BCAS3: variants seen among roughly 807,000 people sequenced by gnomAD.
BCAS3 encodes BCAS4/BCAS3 fusion.
BCAS3 carries 53 observed loss-of-function variants against 116.1 expected under a neutral mutation model. The observed-to-expected ratio is 0.46, with a 90% confidence interval of 0.37 to 0.57. The LOEUF is 0.57. Ranked by LOEUF, BCAS3 falls within the 20% of genes least tolerant of loss-of-function variation. The pLI, the probability that BCAS3 is intolerant of heterozygous loss-of-function variation, is 0.00. For synonymous variants in BCAS3, 391 were observed against 408.2 expected, an observed-to-expected ratio of 0.96 and a Z score of 0.51; for missense variants, 917 against 1,165.4, an observed-to-expected ratio of 0.79 and a Z score of 3.10.
chr17:61,254,280 C>G (rs571697059), intron 22 of BCAS3, among the ~76,000 whole-genome samples: 2 of 152,268 alleles, frequency 1.3e-5, no homozygotes, highest in African/African-American at 2.4e-5. Flanking sequence ...ACACTTCTGC[C>G]GTAAAGAGGG....
At chr17:60,860,186 C>T (rs187865463) in intron 7 of BCAS3, among the ~76,000 whole-genome samples, 26 of 152,274 alleles carry the variant, frequency 1.7e-4, no homozygotes, top group South Asian at 6.2e-4. Context: ...TTAGTAATAG[C>T]CATTCTGACT....
intron 14 of BCAS3, among the ~76,000 whole-genome samples, chr17:60,976,063 C>G (rs1425684064): frequency 9.3e-6 from 1 of 107,346 alleles, no homozygotes; most frequent in Non-Finnish European, 1.7e-5. Context: ...GAGTCTTGCT[C>G]TGTCGCCCAG....
At chr17:60,803,892 C>T (rs1241442760) in intron 6 of BCAS3, among the ~76,000 whole-genome samples, 1 of 141,550 alleles carries the variant, frequency 7.1e-6, no homozygotes, top group East Asian at 2.2e-4. Flanking sequence ...ACCTCTGCTT[C>T]CCGGGTTTGA....
intron 22 of BCAS3, among the ~76,000 whole-genome samples, chr17:61,328,649 C>T (rs1337968338): frequency 6.6e-6 from 1 of 152,130 alleles, no homozygotes; most frequent in Non-Finnish European, 1.5e-5. Flanking sequence ...CCTGTAGTCC[C>T]AGCTACTCAG....
intron 13 of BCAS3, among the ~76,000 whole-genome samples, chr17:60,945,530 G>A (rs934880469): frequency 4.6e-5 from 7 of 152,218 alleles, no homozygotes; most frequent in African/African-American, 1.2e-4. Context: ...GCCTGGCATG[G>A]TAGTTCACGC....
At chr17:60,996,935 A>G (rs1305861648) in intron 15 of BCAS3, among the ~76,000 whole-genome samples, 4 of 152,210 alleles carry the variant, frequency 2.6e-5, no homozygotes, top group Non-Finnish European at 5.9e-5. Context: ...GACTATTAAA[A>G]TTAGTAATGT....
intron 22 of BCAS3, among the ~76,000 whole-genome samples, chr17:61,090,180 G>A (rs1226784009): frequency 6.6e-6 from 1 of 152,184 alleles, no homozygotes; most frequent in South Asian, 2.1e-4. Flanking sequence ...TGTGGAAGGG[G>A]TGTGTTCAAA....
chr17:60,701,294 C>T (rs138060107), intron 4 of BCAS3, among the ~76,000 whole-genome samples: 123 of 151,820 alleles, frequency 8.1e-4, no homozygotes, highest in African/African-American at 2.8e-3. Flanking sequence ...GAAATCAAGT[C>T]GAGGAAGAGG....
In BCAS3 at chr17:60,814,269, TTGTGTG is replaced by T. The variant is rs67077498; in HGVS notation, c.476+6226_476+6231del. Among the ~76,000 whole-genome samples the T allele has an allele frequency of 1.3e-3, 171 of 134,910 alleles. 1 individual carries two copies. The South Asian group carries it at 0.014, about 11-fold the overall frequency. The allele number at this position is 134,910 out of a possible 152,430, so 88.5% of individuals were successfully genotyped here. ...TTCATTAGATGTATTTCTTGGTATT[TTGTGTG>T]TGTGTGTGTGTGTGTGTGTGTGTGT... is the stretch of plus-strand genomic sequence containing the variant. On this transcript the variant is annotated intron_variant, in intron 7 of 23. Coordinates refer to ENST00000407086, the MANE Select transcript of BCAS3 (RefSeq NM_017679.5).
intron 13 of BCAS3, among the ~76,000 whole-genome samples, chr17:60,942,084 A>G (rs1304509469): frequency 6.6e-6 from 1 of 152,184 alleles, no homozygotes; most frequent in Admixed American, 6.5e-5. Flanking sequence ...GAGTGGCAAA[A>G]CACTGTCTAC....
chr17:61,305,275 C>T (rs1249063936), intron 22 of BCAS3, among the ~76,000 whole-genome samples: 1 of 152,116 alleles, frequency 6.6e-6, no homozygotes, highest in Non-Finnish European at 1.5e-5. Context: ...GTTGGGTTAA[C>T]AGTTTCCTTT....
intron 9 of BCAS3, among the ~76,000 whole-genome samples, chr17:60,876,157 A>C (rs1445621915): frequency 6.6e-6 from 1 of 152,026 alleles, no homozygotes; most frequent in East Asian, 1.9e-4. Flanking sequence ...ACAGATATAT[A>C]GTTATCTTGT....
chr17:61,111,316 G>A (rs920429119), intron 22 of BCAS3, among the ~76,000 whole-genome samples: 5 of 151,662 alleles, frequency 3.3e-5, no homozygotes, highest in Admixed American at 6.6e-5. Context: ...CAAACCACAG[G>A]CAAAGAAGTT....
chr17:60,830,511 A>G (rs1019100048), intron 7 of BCAS3, among the ~76,000 whole-genome samples: 3 of 152,120 alleles, frequency 2.0e-5, no homozygotes, highest in Admixed American at 6.6e-5. Context: ...GTACAGGAAA[A>G]TTTTTAAAAT....
At position 61,034,043 on chromosome 17, in the gene BCAS3, G is replaced by A. The variant is rs1482511914; in HGVS notation, c.1638-623G>A. Among the ~76,000 whole-genome samples the A allele has an allele frequency of 6.6e-6, 1 of 152,096 alleles. No individual in the cohort carries two copies. Among genetic ancestry groups the A allele is most frequent in the African/African-American group, 2.4e-5 (1 of 41,420 alleles). On this transcript the variant is annotated intron_variant, in intron 16 of 23. Coordinates refer to ENST00000407086, the MANE Select transcript of BCAS3 (RefSeq NM_017679.5). The surrounding 1 kb of genome is among the most constrained non-coding windows in gnomAD (Gnocchi z 5.0). ...ATAGACACATCATTTTCACAAATCC[G>A]AGAAGAAAAAGAGACAACAGGAAGA... is the stretch of plus-strand genomic sequence containing the variant.
At chr17:60,734,717 T>C (rs1177118415) in intron 5 of BCAS3, among the ~76,000 whole-genome samples, 2 of 152,260 alleles carry the variant, frequency 1.3e-5, no homozygotes, top group African/African-American at 2.4e-5. Flanking sequence ...TACACTGTTT[T>C]GGTTACTGTA....
intron 22 of BCAS3, among the ~76,000 whole-genome samples, chr17:61,283,104 T>A (rs2051382746): frequency 6.6e-6 from 1 of 152,192 alleles, no homozygotes; most frequent in Non-Finnish European, 1.5e-5. Context: ...ACGTTGCTCC[T>A]TTTTGTATTG....
chr17:61,078,447 G>C lies in BCAS3; in HGVS notation c.2245G>C (p.Val749Leu), dbSNP rs1174019567. The change falls in exon 21 of 24, where the codon GTG becomes CTG. Residue 749 changes from valine (V) to leucine (L), a missense_variant. Val to Leu is a conservative substitution (Grantham distance 32). Around this residue, in one of 3 missense-constraint regions of BCAS3, gnomAD observed 807 missense variants for 1,026.0 expected, o/e 0.79. Transcript: ENST00000407086. ...QTTVISSSSS[V>L]LQSHGPSDTP... ...CACAGTTATCTCATCCAGTTCATCTGTGTTGCAGTCTCATGGTCCGAGTGA... is the reference window on the plus strand; with the variant it reads ...CACAGTTATCTCATCCAGTTCATCTCTGTTGCAGTCTCATGGTCCGAGTGA... 6.2e-7 allele frequency: 1 copy of C among 1,614,042 alleles called. No homozygotes were observed. Among genetic ancestry groups the C allele is most frequent in the Non-Finnish European group, 8.5e-7 (1 of 1,180,032 alleles).
At chr17:61,255,942 T>G (rs112825633) in intron 22 of BCAS3, among the ~76,000 whole-genome samples, 3,200 of 152,318 alleles carry the variant, frequency 0.021, 104 homozygotes, top group African/African-American at 0.073. Flanking sequence ...ACTTTAGAGA[T>G]GGGAAATGCT....
Sources: gnomAD v4.1 joint callset for allele counts (sites outside exome capture counted in the v4.1 genomes callset) on GRCh38, gnomAD v4.1.1 for gene constraint, gnomAD v4.1.1 regional missense constraint, Gnocchi (gnomAD v3.1) non-coding constraint, MANE v1.5 for transcripts, NCBI Gene and HGNC (gene_info 2026-07-23, HGNC 2026-07-21) for gene names.